AGAP5: variants seen among roughly 807,000 people sequenced by gnomAD.
AGAP5 encodes the protein ArfGAP with GTPase domain, ankyrin repeat and PH domain 5.
A neutral mutation model predicts 27.7 loss-of-function variants in AGAP5; 8 were observed. The ratio of observed to expected loss-of-function variants is 0.29; its 90% CI spans 0.17 to 0.52. The LOEUF (loss-of-function observed/expected upper bound fraction) is 0.52, where lower values mean the gene tolerates loss of function less well. AGAP5 is among the 20% of genes least tolerant of loss of function. AGAP5 has a pLI of 0.97. For missense variants in AGAP5, 285 were observed against 880.8 expected (o/e 0.32, Z 8.56); for synonymous variants, 111 against 338.0 (o/e 0.33, Z 7.37).
chr10:73,679,392 G>A (rs1033619433), intron 6 of AGAP5, among the ~76,000 whole-genome samples: 3 of 151,688 alleles, frequency 2.0e-5, no homozygotes, highest in African/African-American at 7.3e-5. Flanking sequence ...TCGATCTCCT[G>A]ACCTTGTGAT....
At chr10:73,696,023 T>A (rs1265424258) in intron 2 of AGAP5, among the ~76,000 whole-genome samples, 2 of 152,162 alleles carry the variant, frequency 1.3e-5, no homozygotes, top group African/African-American at 4.8e-5. Context: ...TTCCTTTTTT[T>A]TTTTTGTGAG....
chr10:73,687,469 G>A (rs1468335826), intron 4 of AGAP5, among the ~76,000 whole-genome samples: 1 of 152,138 alleles, frequency 6.6e-6, no homozygotes, highest in Admixed American at 6.6e-5. Context: ...ATGTTGACCA[G>A]GCTAAAAATG....
intron 3 of AGAP5, among the ~76,000 whole-genome samples, chr10:73,692,435 C>T (rs1199158566): frequency 6.6e-6 from 1 of 152,076 alleles, no homozygotes; most frequent in African/African-American, 2.4e-5. Flanking sequence ...TGCATTTACA[C>T]ATAGCTTACT....
chr10:73,695,830 G>A (rs2082156729), intron 2 of AGAP5, among the ~76,000 whole-genome samples: 1 of 151,898 alleles, frequency 6.6e-6, no homozygotes, highest in Non-Finnish European at 1.5e-5. Context: ...ATGATGCAAT[G>A]TTTTCTATTT....
chr10:73,696,351 C>T (rs2132464064), intron 2 of AGAP5, among the ~76,000 whole-genome samples: 1 of 152,306 alleles, frequency 6.6e-6, no homozygotes, highest in African/African-American at 2.4e-5. Flanking sequence ...GAACAAGATG[C>T]TATTGTCAGG....
chr10:73,690,606 TAA>T (rs1183445618), intron 4 of AGAP5, among the ~76,000 whole-genome samples: 6 of 114,986 alleles, frequency 5.2e-5, no homozygotes, highest in South Asian at 3.0e-4. Context: ...AATGATCAAT[TAA>T]AAAAAAAAAA....
chr10:73,693,210 C>T (rs1324274850), intron 3 of AGAP5, among the ~76,000 whole-genome samples: 2 of 152,082 alleles, frequency 1.3e-5, no homozygotes, highest in East Asian at 1.9e-4. Context: ...CCCATGGCTC[C>T]GGAAGGAACT....
At chr10:73,696,060 T>G (rs1161127210) in intron 2 of AGAP5, among the ~76,000 whole-genome samples, 2 of 152,192 alleles carry the variant, frequency 1.3e-5, no homozygotes, top group East Asian at 3.8e-4. Context: ...TCACCCAGGC[T>G]GGAGTGCATT....
intron 4 of AGAP5, among the ~76,000 whole-genome samples, chr10:73,689,785 C>G (rs1477764207): frequency 6.7e-6 from 1 of 149,260 alleles, no homozygotes; most frequent in Non-Finnish European, 1.5e-5. Context: ...GGAGCCCCTC[C>G]GCCCGGCAGC....
At position 73,697,592 on chromosome 10, in the gene AGAP5, G is replaced by A. The variant is rs1204384448; in HGVS notation, c.164C>T (p.Thr55Ile). The A allele has an allele frequency of 6.2e-7, 1 of 1,611,944 alleles. No individual in the cohort carries two copies. Among genetic ancestry groups the A allele is most frequent in the Non-Finnish European group, 8.5e-7 (1 of 1,179,874 alleles). Residue 55 changes from threonine (T) to isoleucine (I), a missense_variant, in exon 1 of 8, where the codon ACC (threonine) becomes ATC (isoleucine). Physicochemically the swap from Thr to Ile is moderately conservative, Grantham distance 89. Transcript: ENST00000374094. ...MAAAVQPAEV[T>I]VEVGEDLHMH... is the part of the protein sequence containing the mutation. ...GTGGAGGTCCTCACCAACTTCAACG[G>A]TCACCTCAGCAGGCTGCACAGCAGC...
At chr10:73,685,889 A>T (rs1254966797) in intron 4 of AGAP5, among the ~76,000 whole-genome samples, 1 of 152,118 alleles carries the variant, frequency 6.6e-6, no homozygotes, top group African/African-American at 2.4e-5. Flanking sequence ...ACTACAAAAC[A>T]TTGCTGAATG....
chr10:73,695,240 C>A (rs1427640385), intron 2 of AGAP5, among the ~76,000 whole-genome samples: 1 of 152,020 alleles, frequency 6.6e-6, no homozygotes, highest in African/African-American at 2.4e-5. Flanking sequence ...AAAGTAAATT[C>A]ATCATATCTG....
chr10:73,692,788 AC>A (rs2082130459), intron 3 of AGAP5, among the ~76,000 whole-genome samples: 1 of 151,898 alleles, frequency 6.6e-6, no homozygotes, highest in Non-Finnish European at 1.5e-5. Context: ...GACTACAGGC[AC>A]GTGCCACCAT....
intron 6 of AGAP5, among the ~76,000 whole-genome samples, chr10:73,678,266 C>T (rs1304816271): frequency 6.6e-6 from 1 of 152,028 alleles, no homozygotes. Context: ...CGTGGTGCCA[C>T]ACATCTGTGG....
At chr10:73,686,073 A>G (rs1486381173) in intron 4 of AGAP5, among the ~76,000 whole-genome samples, 1 of 152,216 alleles carries the variant, frequency 6.6e-6, no homozygotes, top group African/African-American at 2.4e-5. Context: ...ATTTATATGG[A>G]CCAAACAAGA....
At chr10:73,686,973 G>A (rs1453114535) in intron 4 of AGAP5, among the ~76,000 whole-genome samples, 1 of 152,034 alleles carries the variant, frequency 6.6e-6, no homozygotes, top group African/African-American at 2.4e-5. Context: ...GGGGACTTGG[G>A]GGAAAGGCTG....
At chr10:73,676,887 C>T in intron 6 of AGAP5, 117 bp from the exon 7 acceptor site, 2 of 718,274 alleles carry the variant, frequency 2.8e-6, no homozygotes, top group Non-Finnish European at 4.7e-6. Flanking sequence ...GCAGTTTTTA[C>T]AAATTCTTCT....
chr10:73,694,241 TTGGATGTGGTAAA>T (rs984033248), intron 3 of AGAP5, among the ~76,000 whole-genome samples: 34 of 152,290 alleles, frequency 2.2e-4, no homozygotes, highest in African/African-American at 7.5e-4. Flanking sequence ...TAGCATAAAC[TTGGATGTGGTAAA>T]TGAATGTGGT....
Position 73,697,907 on chromosome 10 carries a change from C to T in AGAP5, c.-152G>A. 6.5e-7 allele frequency: 1 copy of T among 1,534,016 alleles called. No individual in the cohort carries two copies. Among genetic ancestry groups the T allele is most frequent in the Non-Finnish European group, 8.7e-7 (1 of 1,145,880 alleles). ...CTCACAGCGCGGCCCCGGGCACCAT[C>T]CCTGGCCCCGGCCCCGGCCCCGGCT... is the stretch of plus-strand genomic sequence containing the variant. On this transcript the variant is annotated 5_prime_UTR_variant, in exon 1 of 8. Coordinates refer to ENST00000374094, the MANE Select transcript of AGAP5 (RefSeq NM_001144000.4).
Sources: gnomAD v4.1 joint callset for allele counts (sites outside exome capture counted in the v4.1 genomes callset) on GRCh38, gnomAD v4.1.1 for gene constraint, MANE v1.5 for transcripts, NCBI Gene and HGNC (gene_info 2026-07-23, HGNC 2026-07-21) for gene names.